Variants in RIMBP2 observed in about 807,000 individuals in gnomAD.
RIMBP2 encodes RIMS binding protein 2.
In RIMBP2, 48 loss-of-function variants were observed where a neutral mutation model predicts 118.6. That is an observed-to-expected ratio of 0.40 (90% CI 0.32 to 0.51). The LOEUF (loss-of-function observed/expected upper bound fraction) is 0.51. Ranked by LOEUF, RIMBP2 falls within the 20% of genes least tolerant of loss-of-function variation. RIMBP2 has a pLI of 0.41. For missense variants in RIMBP2, 1,551 were observed against 1,768.3 expected, an observed-to-expected ratio of 0.88 and a Z score of 2.20; for synonymous variants, 762 against 742.9, an observed-to-expected ratio of 1.03 and a Z score of -0.42.
At chr12:130,630,888 ATG>A (rs1345879969) in intron 1 of RIMBP2, among the ~76,000 whole-genome samples, 2 of 152,276 alleles carry the variant, frequency 1.3e-5, no homozygotes, top group South Asian at 2.1e-4. Context: ...GACTCATAAA[ATG>A]TACCTCCGCA....
intron 2 of RIMBP2, among the ~76,000 whole-genome samples, chr12:130,579,662 C>T (rs1566299288): frequency 6.6e-6 from 1 of 152,110 alleles, no homozygotes; most frequent in Non-Finnish European, 1.5e-5. Context: ...AGCACACTCC[C>T]CCATTGAGCA....
chr12:130,670,535 G>A lies in RIMBP2; in HGVS notation c.-351-42079C>T, dbSNP rs754223089. The stretch of plus-strand genomic sequence containing the variant: ...GGGTTCCATGGTCAGCTCCTTAGCC[G>A]ACTTTATATATATGGAGGTCTCAAC... On this transcript the variant is annotated intron_variant, in intron 1 of 22. Transcript: ENST00000690449. The surrounding 1 kb of genome is among the most constrained non-coding windows in gnomAD (Gnocchi z 4.9). 1.6e-4 allele frequency among the ~76,000 whole-genome samples: 24 copies of A among 152,228 alleles called. No individual in the cohort carries two copies. Among genetic ancestry groups the A allele is most frequent in the African/African-American group, 2.9e-4 (12 of 41,538 alleles).
intron 2 of RIMBP2, among the ~76,000 whole-genome samples, chr12:130,593,747 C>A (rs1298434611): frequency 1.3e-5 from 2 of 152,194 alleles, no homozygotes; most frequent in African/African-American, 4.8e-5. Flanking sequence ...GTGTGTCTGT[C>A]TGAAGGCAAC....
intron 6 of RIMBP2, among the ~76,000 whole-genome samples, chr12:130,466,551 C>A (rs11060909): frequency 0.04 from 6,101 of 152,142 alleles, 423 homozygotes; most frequent in African/African-American, 0.14. Context: ...ATCTCAGGAC[C>A]CCACAATCAC....
rs574024430 is a variant in RIMBP2 at position 130,620,477 on chromosome 12, G to A, written c.-217+7845C>T. 7.2e-5 allele frequency among the ~76,000 whole-genome samples: 11 copies of A among 152,222 alleles called. No homozygotes were observed. The highest frequency in any genetic ancestry group is 2.1e-4 in the South Asian group (1 of 4,816). On this transcript the variant is annotated intron_variant, in intron 2 of 22. Coordinates refer to ENST00000690449, the MANE Select transcript of RIMBP2 (RefSeq NM_001393629.1). This position sits in a 1 kb window ranked among gnomAD's most constrained non-coding sequence, Gnocchi z 5.3. ...GACCTCACGTTAGTTTCCTCCAGCCGCCGTGACAAAGTACGACAAGCCAGG... is the reference window on the plus strand; with the variant it reads ...GACCTCACGTTAGTTTCCTCCAGCCACCGTGACAAAGTACGACAAGCCAGG...
At chr12:130,520,999 C>T (rs1467062769) in intron 2 of RIMBP2, among the ~76,000 whole-genome samples, 1 of 152,244 alleles carries the variant, frequency 6.6e-6, no homozygotes, top group African/African-American at 2.4e-5. Flanking sequence ...GGGAAGCCGG[C>T]ATTGGTCCCC....
intron 3 of RIMBP2, among the ~76,000 whole-genome samples, chr12:130,510,238 C>A (rs895725911): frequency 2.4e-4 from 36 of 152,314 alleles, no homozygotes; most frequent in Admixed American, 7.2e-4. Context: ...ATTTGTCCCA[C>A]AGTAGAGCTA....
intron 21 of RIMBP2, 132 bp from the exon 22 acceptor site, chr12:130,399,945 G>A (rs1206674785): frequency 9.9e-7 from 1 of 1,007,602 alleles, no homozygotes; most frequent in Admixed American, 2.7e-5. Context: ...GGCAGGACTT[G>A]AAAGGACTCT....
intron 7 of RIMBP2, among the ~76,000 whole-genome samples, chr12:130,452,906 G>A (rs1477066805): frequency 2.6e-5 from 4 of 152,158 alleles, no homozygotes; most frequent in African/African-American, 7.2e-5. Context: ...GAAAAATAAC[G>A]TAATCCCCGT....
intron 1 of RIMBP2, among the ~76,000 whole-genome samples, chr12:130,699,479 C>CA (rs1300407565): frequency 6.9e-6 from 1 of 145,546 alleles, no homozygotes; most frequent in Non-Finnish European, 1.5e-5. Flanking sequence ...ATTGCAAGGA[C>CA]AAAAAACCAA....
chr12:130,531,246 G>T (rs1038604716), intron 2 of RIMBP2, among the ~76,000 whole-genome samples: 4 of 152,078 alleles, frequency 2.6e-5, no homozygotes, highest in African/African-American at 9.7e-5. Flanking sequence ...CTCCATTAAC[G>T]TTTACAAAGT....
rs1357685018 is a variant in RIMBP2 at position 130,679,247 on chromosome 12, G to A, written c.-352+36975C>T. The stretch of plus-strand genomic sequence containing the variant: ...AAACCCTGCATTTATCATCAGGAAA[G>A]CTGGGATTCCAGTTCGCTGGATTTG... On this transcript the variant is annotated intron_variant, in intron 1 of 22. Transcript: ENST00000690449. 4.6e-5 allele frequency among the ~76,000 whole-genome samples: 7 copies of A among 152,282 alleles called. No individual in the cohort carries two copies. The East Asian group carries it at 1.3e-3, about 29-fold the overall frequency.
At chr12:130,535,288 C>A (rs1311551660) in intron 2 of RIMBP2, among the ~76,000 whole-genome samples, 1 of 151,936 alleles carries the variant, frequency 6.6e-6, no homozygotes, top group Non-Finnish European at 1.5e-5. Context: ...CACATAAGGC[C>A]AGGAGTTTGA....
rs2078189160 is a variant in RIMBP2 at position 130,442,182 on chromosome 12, G to C, written c.1170C>G (p.Ser390Arg). ...TYRISVQCVT[S>R]RGSSDELQCT... ...ACTGCAGCTCATCCGAGCTGCCCCTGCTGGTGACGCACTGCACGGAGATGC... is the reference window on the plus strand; with the variant it reads ...ACTGCAGCTCATCCGAGCTGCCCCTCCTGGTGACGCACTGCACGGAGATGC... The change falls in exon 11 of 23, where the codon AGC (serine) becomes AGG (arginine). Residue 390 changes from serine to arginine, a missense_variant. This residue lies in a region of RIMBP2 where 265 missense variants were observed against 349.5 expected (regional missense o/e 0.76). Coordinates refer to ENST00000690449, the MANE Select transcript of RIMBP2 (RefSeq NM_001393629.1). This position sits in a 1 kb window ranked among gnomAD's most constrained non-coding sequence, Gnocchi z 6.9. 1.2e-6 allele frequency: 2 copies of C among 1,614,086 alleles called. No homozygotes were observed. Among genetic ancestry groups the C allele is most frequent in the South Asian group, 2.2e-5 (2 of 91,086 alleles).
intron 6 of RIMBP2, among the ~76,000 whole-genome samples, chr12:130,458,811 G>A (rs561264783): frequency 1.3e-4 from 20 of 152,212 alleles, no homozygotes; most frequent in East Asian, 1.2e-3. Flanking sequence ...TTGAGAGGCC[G>A]AGGTGGGCGG....
At chr12:130,589,689 C>A (rs1029184773) in intron 2 of RIMBP2, among the ~76,000 whole-genome samples, 4 of 151,996 alleles carry the variant, frequency 2.6e-5, no homozygotes, top group Admixed American at 6.5e-5. Flanking sequence ...ATAAATAGAT[C>A]GAAACATCAC....
intron 2 of RIMBP2, among the ~76,000 whole-genome samples, chr12:130,584,566 T>TCATCACCACCATTA (rs541237997): frequency 1.3e-5 from 2 of 149,940 alleles, no homozygotes; most frequent in South Asian, 4.3e-4. Context: ...CACCATCACC[T>TCATCACCACCATTA]CATCACCACC....
intron 1 of RIMBP2, among the ~76,000 whole-genome samples, chr12:130,705,465 G>A (rs900308223): frequency 6.6e-6 from 1 of 152,220 alleles, no homozygotes; most frequent in Non-Finnish European, 1.5e-5. Flanking sequence ...GTGGGCCACA[G>A]AAGCCTCCTG....
At chr12:130,438,336 C>CGGGG in intron 12 of RIMBP2, 29 bp downstream of exon 12, 1 of 844,138 alleles carries the variant, frequency 1.2e-6, no homozygotes, top group Non-Finnish European at 2.0e-6. Flanking sequence ...GCCTAACAAA[C>CGGGG]CCTCCCCACC....
Sources: gnomAD v4.1 joint callset for allele counts (sites outside exome capture counted in the v4.1 genomes callset) on GRCh38, gnomAD v4.1.1 for gene constraint, gnomAD v4.1.1 regional missense constraint, Gnocchi (gnomAD v3.1) non-coding constraint, MANE v1.5 for transcripts, NCBI Gene and HGNC (gene_info 2026-07-23, HGNC 2026-07-21) for gene names.